DIS3L2: variants seen among roughly 807,000 people sequenced by gnomAD.
DIS3L2 encodes DIS3-like exonuclease 2.
In DIS3L2, 34 loss-of-function variants were observed where a neutral mutation model predicts 97.5. The observed-to-expected ratio is 0.35, with a 90% CI of 0.27 to 0.46. The LOEUF (loss-of-function observed/expected upper bound fraction) is 0.46. Ranked by LOEUF, DIS3L2 falls within the 20% of genes least tolerant of loss-of-function variation. DIS3L2 has a pLI of 1.00. For missense variants in DIS3L2, 1,038 were observed against 1,146.0 expected, an observed-to-expected ratio of 0.91 and a Z score of 1.36; for synonymous variants, 435 against 445.2, an observed-to-expected ratio of 0.98 and a Z score of 0.29.
chr2:232,255,861 TTC>T (rs939425241), intron 12 of DIS3L2, among the ~76,000 whole-genome samples: 1 of 152,200 alleles, frequency 6.6e-6, no homozygotes, highest in African/African-American at 2.4e-5. Context: ...ACTTTGGTCT[TTC>T]TCTCATGCTA....
At position 232,087,593 on chromosome 2, in the gene DIS3L2, A is replaced by G. The variant is rs1271417970; in HGVS notation, c.473A>G (p.Tyr158Cys). ...HHLPQQSLKS[Y>C]NDSPDVIVEA... Reference sequence around the variant, plus strand: ...CTCCCGCAACAGTCCCTGAAAAGCTATAATGACAGTCCTGATGTCATTGTA... The same window carrying G: ...CTCCCGCAACAGTCCCTGAAAAGCTGTAATGACAGTCCTGATGTCATTGTA... Residue 158 changes from tyrosine (Y) to cysteine (C), a missense_variant, in exon 6 of 21, where the codon TAT becomes TGT. Transcript: ENST00000325385. 1.9e-6 allele frequency: 3 copies of G among 1,614,202 alleles called. No individual in the cohort carries two copies. Among genetic ancestry groups the G allele is most frequent in the Non-Finnish European group, 1.7e-6 (2 of 1,180,026 alleles).
chr2:232,289,422 G>A (rs938679000), intron 13 of DIS3L2, among the ~76,000 whole-genome samples: 3 of 151,826 alleles, frequency 2.0e-5, no homozygotes, highest in Admixed American at 6.6e-5. Flanking sequence ...ACAAGTGCCC[G>A]CCACCACGCC....
intron 14 of DIS3L2, among the ~76,000 whole-genome samples, chr2:232,323,285 T>G (rs545839815): frequency 6.6e-6 from 1 of 152,332 alleles, no homozygotes; most frequent in Admixed American, 6.5e-5. Flanking sequence ...GGGGAGCGAA[T>G]GAGGCTTCTG....
At chr2:232,165,381 A>T (rs561975143) in intron 9 of DIS3L2, among the ~76,000 whole-genome samples, 1 of 152,370 alleles carries the variant, frequency 6.6e-6, no homozygotes, top group South Asian at 2.1e-4. Context: ...ACGTATACAC[A>T]TCAAAGTATA....
At chr2:232,173,380 A>G (rs1464224461) in intron 9 of DIS3L2, among the ~76,000 whole-genome samples, 1 of 151,886 alleles carries the variant, frequency 6.6e-6, no homozygotes, top group Non-Finnish European at 1.5e-5. Context: ...GCAGGCACCC[A>G]TCACCACACC....
intron 14 of DIS3L2, among the ~76,000 whole-genome samples, chr2:232,312,481 C>T (rs955984968): frequency 3.3e-5 from 5 of 152,170 alleles, no homozygotes; most frequent in Admixed American, 2.6e-4. Context: ...TGTACCAGTA[C>T]CACACTACCT....
chr2:232,185,627 G>T (rs1247335070), intron 9 of DIS3L2, among the ~76,000 whole-genome samples: 1 of 152,160 alleles, frequency 6.6e-6, no homozygotes, highest in Non-Finnish European at 1.5e-5. Flanking sequence ...TTGAGGCCAG[G>T]AGTTAGAGAC....
chr2:232,280,512 A>G (rs1247826420), intron 13 of DIS3L2, among the ~76,000 whole-genome samples: 1 of 152,246 alleles, frequency 6.6e-6, no homozygotes, highest in African/African-American at 2.4e-5. Context: ...GACTCACCCA[A>G]TCATGCTTTA....
At chr2:232,225,721 C>G (rs1211716828) in intron 10 of DIS3L2, among the ~76,000 whole-genome samples, 1 of 151,206 alleles carries the variant, frequency 6.6e-6, no homozygotes, top group Non-Finnish European at 1.5e-5. Context: ...TATTTCATGC[C>G]TTAATAAAAA....
At chr2:232,009,658 A>G (rs536046844) in intron 1 of DIS3L2, among the ~76,000 whole-genome samples, 12 of 152,202 alleles carry the variant, frequency 7.9e-5, no homozygotes, top group African/African-American at 2.4e-4. Flanking sequence ...TACTTTCTCC[A>G]TTTGCAAGGC....
chr2:232,094,261 C>A (rs1007047252), intron 6 of DIS3L2, among the ~76,000 whole-genome samples: 50 of 152,218 alleles, frequency 3.3e-4, no homozygotes, highest in South Asian at 4.2e-4. Context: ...TGAGAATGAT[C>A]CATATGCTAA....
exon 14 of DIS3L2, chr2:232,343,632 C>T: frequency 1.3e-6 from 2 of 1,531,408 alleles, no homozygotes; most frequent in Non-Finnish European, 8.9e-7. Context: ...AGAAAGTAAA[C>T]AGGTAAAGGC....
At chr2:232,240,612 C>G (rs1196090977) in intron 11 of DIS3L2, among the ~76,000 whole-genome samples, 1 of 152,198 alleles carries the variant, frequency 6.6e-6, no homozygotes, top group Non-Finnish European at 1.5e-5. Context: ...GTGTCCCTCC[C>G]TGACCTCTGT....
intron 8 of DIS3L2, among the ~76,000 whole-genome samples, chr2:232,144,482 A>C (rs1574907427): frequency 6.6e-6 from 1 of 152,018 alleles, no homozygotes; most frequent in Non-Finnish European, 1.5e-5. Flanking sequence ...CATTTTTTTA[A>C]CAGTTAATTT....
At chr2:232,090,033 G>A (rs935352567) in intron 6 of DIS3L2, among the ~76,000 whole-genome samples, 1 of 152,100 alleles carries the variant, frequency 6.6e-6, no homozygotes, top group Non-Finnish European at 1.5e-5. Flanking sequence ...GGGCTCAGGC[G>A]ATCTTCCTGC....
At chr2:232,162,341 C>G (rs1379009525) in intron 8 of DIS3L2, among the ~76,000 whole-genome samples, 1 of 152,144 alleles carries the variant, frequency 6.6e-6, no homozygotes, top group Non-Finnish European at 1.5e-5. Flanking sequence ...CTGGGCTGGT[C>G]TCTCTTGACT....
At chr2:232,015,709 G>A in intron 3 of DIS3L2, 38 bp downstream of exon 3, 1 of 1,606,208 alleles carries the variant, frequency 6.2e-7, no homozygotes, top group Non-Finnish European at 8.5e-7. Flanking sequence ...CTCTGAATAT[G>A]TAGAATCCAA....
intron 5 of DIS3L2, among the ~76,000 whole-genome samples, chr2:232,081,207 A>T (rs1237269116): frequency 1.3e-5 from 2 of 152,138 alleles, no homozygotes; most frequent in Non-Finnish European, 1.5e-5. Context: ...TGATATAGTG[A>T]ATCAGGAAGC....
chr2:232,300,186 G>A, intron 14 of DIS3L2, 67 bp downstream of exon 14: 1 of 1,466,202 alleles, frequency 6.8e-7, no homozygotes, highest in Non-Finnish European at 9.5e-7. Flanking sequence ...TGGGCTTTCT[G>A]ACACTGAGCT....
Sources: allele counts gnomAD v4.1 joint callset (sites outside exome capture counted in the v4.1 genomes callset), GRCh38; gene constraint gnomAD v4.1.1; transcripts MANE v1.5; gene names NCBI Gene and HGNC (gene_info 2026-07-23, HGNC 2026-07-21).